ZNG1E: variants seen among roughly 807,000 people sequenced by gnomAD.
The protein encoded by ZNG1E is Zn regulated GTPase metalloprotein activator 1E, also known as zinc-regulated GTPase metalloprotein activator 1E.
At chr9:65,684,540 A>ACACACACACACG in the ZNG1E span, among the ~76,000 whole-genome samples, 12 of 141,802 alleles carry the variant, frequency 8.5e-5, no homozygotes, top group African/African-American at 1.7e-4. Flanking sequence ...GTATACACAC[A>ACACACACACACG]CACACGCACG....
chr9:65,666,923 C>A, the ZNG1E span, among the ~76,000 whole-genome samples: 1 of 145,778 alleles, frequency 6.9e-6, no homozygotes, highest in Non-Finnish European at 1.5e-5. Flanking sequence ...TAGGTTCAAG[C>A]GATTCTCCTG....
chr9:65,680,745 TTAAG>T, the ZNG1E span, among the ~76,000 whole-genome samples: 43 of 152,328 alleles, frequency 2.8e-4, no homozygotes, highest in African/African-American at 9.4e-4. Context: ...TTATTCTTTC[TTAAG>T]TAAGTATTGC....
the ZNG1E span, among the ~76,000 whole-genome samples, chr9:65,709,517 A>C: frequency 3.2e-4 from 33 of 104,390 alleles, no homozygotes; most frequent in Non-Finnish European, 4.5e-4. Flanking sequence ...CCCAACCCAC[A>C]ACAGTCCCCA....
At chr9:65,676,634 A>C in the ZNG1E span, among the ~76,000 whole-genome samples, 1 of 151,648 alleles carries the variant, frequency 6.6e-6, no homozygotes, top group Non-Finnish European at 1.5e-5. Flanking sequence ...CTCCTATCTT[A>C]AACACTTTTT....
At chr9:65,659,404 AGAATCACTTGAACCCAG>A in the ZNG1E span, among the ~76,000 whole-genome samples, 1 of 151,530 alleles carries the variant, frequency 6.6e-6, no homozygotes, top group Non-Finnish European at 1.5e-5. Context: ...CTGAGACAGA[AGAATCACTTGAACCCAG>A]GAGGTGGAGG....
At chr9:65,663,283 G>A in the ZNG1E span, among the ~76,000 whole-genome samples, 1 of 152,076 alleles carries the variant, frequency 6.6e-6, no homozygotes, top group Non-Finnish European at 1.5e-5. Flanking sequence ...TATAAAGCAT[G>A]TTTCTTAAGG....
At chr9:65,717,668 C>T in the ZNG1E span, among the ~76,000 whole-genome samples, 20 of 149,442 alleles carry the variant, frequency 1.3e-4, no homozygotes, top group African/African-American at 3.6e-4. Context: ...AACAATGCTG[C>T]ATGAAATTTG....
chr9:65,668,363 C>T, the ZNG1E span, among the ~76,000 whole-genome samples: 8 of 130,810 alleles, frequency 6.1e-5, no homozygotes, highest in Non-Finnish European at 9.5e-5. Context: ...TATGTAATAT[C>T]GGTGAAGGGA....
chr9:65,727,398 T>A, the ZNG1E span, among the ~76,000 whole-genome samples: 2 of 143,116 alleles, frequency 1.4e-5, no homozygotes, highest in Admixed American at 1.4e-4. Flanking sequence ...GTACCTCACA[T>A]CTCAATACTA....
chr9:65,661,019 A>G, the ZNG1E span, among the ~76,000 whole-genome samples: 25 of 147,870 alleles, frequency 1.7e-4, no homozygotes, highest in African/African-American at 5.1e-4. Context: ...GATGGCCACA[A>G]CTTGCTCCAG....
At chr9:65,703,764 T>C in the ZNG1E span, 1 of 970,780 alleles carries the variant, frequency 1.0e-6, no homozygotes, top group African/African-American at 2.0e-5. Context: ...GTGGCTTGTC[T>C]GCTATGGCAG....
the ZNG1E span, chr9:65,693,584 G>A: frequency 3.8e-5 from 34 of 889,286 alleles, no homozygotes; most frequent in South Asian, 5.3e-4. Flanking sequence ...TTGAGACAGA[G>A]TCTCACTCTG....
At chr9:65,675,003 T>C in the ZNG1E span, among the ~76,000 whole-genome samples, 1 of 147,840 alleles carries the variant, frequency 6.8e-6, no homozygotes, top group Non-Finnish European at 1.5e-5. Flanking sequence ...ATATATTATA[T>C]GGATAATTTT....
chr9:65,660,695 G>A, the ZNG1E span, among the ~76,000 whole-genome samples: 1 of 151,512 alleles, frequency 6.6e-6, no homozygotes, highest in Non-Finnish European at 1.5e-5. Context: ...AATAGGTGGG[G>A]CCTTGGCAAC....
At chr9:65,668,425 C>G in the ZNG1E span, among the ~76,000 whole-genome samples, 2 of 148,734 alleles carry the variant, frequency 1.3e-5, no homozygotes, top group Admixed American at 1.3e-4. Flanking sequence ...TAATACTTTT[C>G]TACTGTTTGA....
the ZNG1E span, chr9:65,707,283 G>C: frequency 8.0e-6 from 1 of 124,690 alleles, no homozygotes; most frequent in Non-Finnish European, 1.7e-5. Flanking sequence ...TGGAGCCCCC[G>C]TGCCCCTTGT....
chr9:65,660,860 A>G, the ZNG1E span, among the ~76,000 whole-genome samples: 2 of 144,112 alleles, frequency 1.4e-5, no homozygotes, highest in African/African-American at 5.1e-5. Flanking sequence ...TATATAAAAT[A>G]AAAATTTATA....
the ZNG1E span, among the ~76,000 whole-genome samples, chr9:65,714,434 G>A: frequency 1.5e-4 from 22 of 151,520 alleles, no homozygotes; most frequent in African/African-American, 2.9e-4. Context: ...GAGGCGCTGC[G>A]TTCCTTTGGA....
chr9:65,707,868 T>TA, the ZNG1E span: 11 of 142,494 alleles, frequency 7.7e-5, no homozygotes, highest in African/African-American at 3.0e-4. Flanking sequence ...TCTTTTTTTT[T>TA]TTTTTTCTTT....
Sources: gnomAD v4.1 joint callset for allele counts (sites outside exome capture counted in the v4.1 genomes callset) on GRCh38, gnomAD v4.1.1 for gene constraint, MANE v1.5 for transcripts, NCBI Gene and HGNC (gene_info 2026-07-23, HGNC 2026-07-21) for gene names.